Variants in PCDHA7 observed in about 807,000 individuals in gnomAD.
The protein encoded by PCDHA7 is protocadherin alpha-7.
Under a neutral mutation model 57.2 loss-of-function variants are expected in PCDHA7, and 37 were observed. The observed-to-expected ratio is 0.65, with a 90% confidence interval of 0.50 to 0.85. The LOEUF (loss-of-function observed/expected upper bound fraction) is 0.85, where lower values mean the gene tolerates loss of function less well. Among genes scored for constraint, PCDHA7 ranks in the 40% least tolerant of loss-of-function variants. PCDHA7 has a pLI of 0.00. For synonymous variants in PCDHA7, 553 were observed against 558.8 expected (o/e 0.99, Z 0.15); for missense variants, 1,188 against 1,241.8 (o/e 0.96, Z 0.65).
intron 1 of PCDHA7, among the ~76,000 whole-genome samples, chr5:140,838,076 T>C (rs13170073): frequency 3.2e-5 from 1 of 31,122 alleles, no homozygotes; most frequent in African/African-American, 2.4e-4. Flanking sequence ...TATATATATA[T>C]AGTGTGTGTG....
chr5:140,910,976 A>G (rs1265082758), intron 1 of PCDHA7, among the ~76,000 whole-genome samples: 1 of 152,058 alleles, frequency 6.6e-6, no homozygotes, highest in Non-Finnish European at 1.5e-5. Context: ...CTCATGGGTT[A>G]TACTCTGAAC....
intron 1 of PCDHA7, chr5:140,869,211 G>A (rs375218342): frequency 1.2e-6 from 2 of 1,613,956 alleles, no homozygotes; most frequent in Admixed American, 1.7e-5. Flanking sequence ...ACTCCGTCTC[G>A]GAGGAGGCCA....
chr5:140,975,752 A>G (rs577986836), intron 1 of PCDHA7, among the ~76,000 whole-genome samples: 2 of 152,320 alleles, frequency 1.3e-5, no homozygotes, highest in East Asian at 1.9e-4. Flanking sequence ...CAAATATTCT[A>G]TGTCATAAAT....
chr5:140,926,323 G>C (rs977416438), intron 1 of PCDHA7: 1 of 152,270 alleles, frequency 6.6e-6, no homozygotes, highest in South Asian at 2.1e-4. Flanking sequence ...GGTGCGCCGG[G>C]GTCAGAGCGC....
chr5:140,856,947 A>T (rs1486886568), intron 1 of PCDHA7: 1 of 1,592,258 alleles, frequency 6.3e-7, no homozygotes. Flanking sequence ...AGGACGGGAG[A>T]AATAAAAGTA....
intron 1 of PCDHA7, among the ~76,000 whole-genome samples, chr5:140,879,111 T>A (rs1056977716): frequency 2.0e-4 from 30 of 152,184 alleles, no homozygotes; most frequent in African/African-American, 7.2e-4. Flanking sequence ...ATGGTGTAAT[T>A]GAAGGATTAG....
At chr5:140,913,021 A>G (rs548086979) in intron 1 of PCDHA7, among the ~76,000 whole-genome samples, 1 of 152,154 alleles carries the variant, frequency 6.6e-6, no homozygotes, top group South Asian at 2.1e-4. Context: ...TTTTGCATCA[A>G]TATTCATCAG....
intron 1 of PCDHA7, chr5:140,869,606 T>C: frequency 2.5e-6 from 4 of 1,614,026 alleles, no homozygotes; most frequent in Non-Finnish European, 3.4e-6. Flanking sequence ...AATGCTCTAT[T>C]GACCTACAGG....
Position 140,834,291 on chromosome 5 carries a change from G to T in PCDHA7, c.-93G>T. The T allele has an allele frequency of 8.3e-7, 1 of 1,201,540 alleles. No individual in the cohort carries two copies. The highest frequency in any genetic ancestry group is 2.2e-4 in the Middle Eastern group (1 of 4,640). 74.4% of individuals were successfully genotyped at this position (1,201,540 alleles called of 1,614,324 possible). On this transcript the variant is annotated 5_prime_UTR_variant, in exon 1 of 4. Coordinates refer to ENST00000525929, the MANE Select transcript of PCDHA7 (RefSeq NM_018910.3). ...TTCACTCTTTGGATGCACAACAATG[G>T]CCACACATCGAGATTGAAATGAAGG... is the stretch of plus-strand genomic sequence containing the variant.
chr5:140,892,384 A>T (rs1313796499), intron 1 of PCDHA7, among the ~76,000 whole-genome samples: 1 of 152,162 alleles, frequency 6.6e-6, no homozygotes, highest in Non-Finnish European at 1.5e-5. Flanking sequence ...AATCATGGGT[A>T]ATCTTAATCT....
At chr5:140,961,864 AG>A (rs2095638942) in intron 1 of PCDHA7, among the ~76,000 whole-genome samples, 3 of 151,832 alleles carry the variant, frequency 2.0e-5, no homozygotes, top group Non-Finnish European at 2.9e-5. Context: ...ATCTGGCCAC[AG>A]ATAATTGACT....
intron 3 of PCDHA7, among the ~76,000 whole-genome samples, chr5:141,002,467 G>A (rs1266754067): frequency 6.6e-6 from 1 of 152,202 alleles, no homozygotes; most frequent in African/African-American, 2.4e-5. Context: ...TAACGCTTTA[G>A]CATTTTCAAA....
intron 1 of PCDHA7, among the ~76,000 whole-genome samples, chr5:140,978,370 A>T (rs78042832): frequency 6.6e-6 from 1 of 152,200 alleles, no homozygotes; most frequent in Non-Finnish European, 1.5e-5. Context: ...AAACTCTGCA[A>T]TAGTTTGTTT....
intron 1 of PCDHA7, among the ~76,000 whole-genome samples, chr5:140,939,008 T>C (rs1348323675): frequency 6.6e-6 from 1 of 152,234 alleles, no homozygotes; most frequent in Non-Finnish European, 1.5e-5. Context: ...TTAAGAAGTG[T>C]TACTTTTCTT....
rs536777034 is a variant in PCDHA7 at position 140,985,803 on chromosome 5, G to A, written c.2503+3240G>A. Among the ~76,000 whole-genome samples the A allele has an allele frequency of 1.3e-4, 18 of 139,858 alleles. No individual in the cohort carries two copies. In the East Asian group the frequency reaches 1.8e-3, roughly 14 times the overall value. The allele number at this position is 139,858 out of a possible 152,430, so 91.8% of individuals were successfully genotyped here. A position where few individuals can be genotyped will look rare whatever the true frequency, so the allele number is the denominator to read the frequency against. Reference sequence around the variant, plus strand: ...CGCCCAGGCTGGAGTGCAGTGGCACGATCTCAGCTCACAACAAGCTCTGCC... The same window carrying A: ...CGCCCAGGCTGGAGTGCAGTGGCACAATCTCAGCTCACAACAAGCTCTGCC... On this transcript the variant is annotated intron_variant, in intron 3 of 3. Transcript: ENST00000525929.
chr5:140,836,112 G>C lies in PCDHA7; in HGVS notation c.1729G>C (p.Val577Leu). ...APRVGGTGGA[V>L]RELVPRSVGA... The stretch of plus-strand genomic sequence containing the variant: ...TCGGGTGGGTGGCACTGGTGGCGCA[G>C]TGAGAGAGCTTGTGCCGCGGTCTGT... Residue 577 changes from valine (V) to leucine (L), a missense_variant, in exon 1 of 4, where the codon GTG (valine) becomes CTG (leucine). Transcript: ENST00000525929. The C allele has an allele frequency of 6.2e-7, 1 of 1,613,758 alleles. No homozygotes were observed.
chr5:140,984,981 A>G (rs2097130201), intron 3 of PCDHA7, among the ~76,000 whole-genome samples: 1 of 151,972 alleles, frequency 6.6e-6, no homozygotes, highest in South Asian at 2.1e-4. Flanking sequence ...TCTGTCCCCC[A>G]GGCTGGAGTC....
At chr5:140,924,898 AAAAAAAAT>A (rs781900915) in intron 1 of PCDHA7, among the ~76,000 whole-genome samples, 16 of 53,028 alleles carry the variant, frequency 3.0e-4, no homozygotes, top group Non-Finnish European at 6.0e-4. Context: ...CTGTCTCAAA[AAAAAAAAT>A]AAAATAAAAT....
In PCDHA7 at chr5:141,009,984, G is replaced by A. The variant is rs782207623; in HGVS notation, c.*47G>A. 6.3e-7 allele frequency: 1 copy of A among 1,581,532 alleles called. No homozygotes were observed. Among genetic ancestry groups the A allele is most frequent in the Admixed American group, 1.9e-5 (1 of 53,968 alleles). On this transcript the variant is annotated 3_prime_UTR_variant, in exon 4 of 4. Transcript: ENST00000525929. ...CACTTAGCCAGTTTTTGTAATAATG[G>A]CAAATCTCTCCCATGTAGCAATTCC... is the stretch of plus-strand genomic sequence containing the variant.
Sources: allele counts gnomAD v4.1 joint callset (sites outside exome capture counted in the v4.1 genomes callset), GRCh38; gene constraint gnomAD v4.1.1; transcripts MANE v1.5; gene names NCBI Gene and HGNC (gene_info 2026-07-23, HGNC 2026-07-21).